The following PHTF2 variants were observed in gnomAD, a reference collection of about 807,000 sequenced individuals.
PHTF2 encodes protein PHTF2.
A neutral mutation model predicts 101.2 loss-of-function variants in PHTF2; 60 were observed. The ratio of observed to expected loss-of-function variants is 0.59; its 90% CI spans 0.48 to 0.73. The LOEUF (loss-of-function observed/expected upper bound fraction) is 0.73. PHTF2 is among the 30% of genes least tolerant of loss of function. The probability of loss-of-function intolerance (pLI) is 0.00; values close to 1 mark genes in which losing one functional copy is unlikely to be tolerated. For synonymous variants in PHTF2, 311 were observed against 307.3 expected, an observed-to-expected ratio of 1.01 and a Z score of -0.13; for missense variants, 747 against 908.7, an observed-to-expected ratio of 0.82 and a Z score of 2.29.
intron 2 of PHTF2, among the ~76,000 whole-genome samples, chr7:77,852,872 T>A (rs1796880723): frequency 6.6e-6 from 1 of 152,218 alleles, no homozygotes; most frequent in African/African-American, 2.4e-5. Flanking sequence ...GATAAAAGTT[T>A]TTTTCCGTCA....
chr7:77,918,526 T>G (rs537125700), intron 9 of PHTF2, among the ~76,000 whole-genome samples: 1 of 152,342 alleles, frequency 6.6e-6, no homozygotes, highest in Non-Finnish European at 1.5e-5. Context: ...TCCTTATCTT[T>G]GAGTTTCTGA....
At chr7:77,834,957 T>A (rs1370980225) in intron 1 of PHTF2, among the ~76,000 whole-genome samples, 1 of 152,168 alleles carries the variant, frequency 6.6e-6, no homozygotes, top group Non-Finnish European at 1.5e-5. Context: ...AGAGAGACAT[T>A]AAGCTTCAGC....
chr7:77,867,243 A>G (rs1208742279), intron 3 of PHTF2, among the ~76,000 whole-genome samples: 1 of 152,234 alleles, frequency 6.6e-6, no homozygotes, highest in Non-Finnish European at 1.5e-5. Flanking sequence ...GAAGTATATG[A>G]CAATGATTAG....
intron 10 of PHTF2, among the ~76,000 whole-genome samples, chr7:77,922,278 C>A (rs1584719811): frequency 6.6e-6 from 1 of 152,072 alleles, no homozygotes; most frequent in Admixed American, 6.6e-5. Context: ...CTTCCCACTT[C>A]AGCCTCCCAA....
chr7:77,844,207 T>C (rs1308549672), intron 2 of PHTF2, among the ~76,000 whole-genome samples: 1 of 152,154 alleles, frequency 6.6e-6, no homozygotes, highest in African/African-American at 2.4e-5. Flanking sequence ...TTTCCCAGGC[T>C]GGTCTCAAAC....
At chr7:77,884,912 A>AAATAAATG (rs1291652458) in intron 3 of PHTF2, among the ~76,000 whole-genome samples, 1 of 152,086 alleles carries the variant, frequency 6.6e-6, no homozygotes, top group South Asian at 2.1e-4. Flanking sequence ...ATAAATAAAT[A>AAATAAATG]AATAAATAAA....
At chr7:77,811,684 T>A (rs1043651820) in intron 1 of PHTF2, among the ~76,000 whole-genome samples, 8 of 152,206 alleles carry the variant, frequency 5.3e-5, no homozygotes, top group African/African-American at 1.4e-4. Context: ...TACTTTCTGA[T>A]CCAACAAGAT....
At chr7:77,914,453 C>T (rs571555535) in intron 9 of PHTF2, among the ~76,000 whole-genome samples, 118 of 152,260 alleles carry the variant, frequency 7.7e-4, no homozygotes, top group African/African-American at 2.7e-3. Flanking sequence ...AGGAGGAGAG[C>T]GGCAACCTTA....
chr7:77,893,698 A>G, intron 4 of PHTF2, 34 bp downstream of exon 3: 1 of 885,204 alleles, frequency 1.1e-6, no homozygotes, highest in Non-Finnish European at 1.8e-6. Flanking sequence ...TTATTTTGAA[A>G]CATAGTTCTA....
intron 3 of PHTF2, among the ~76,000 whole-genome samples, chr7:77,865,995 C>T (rs576210151): frequency 1.6e-3 from 236 of 151,860 alleles, no homozygotes; most frequent in Non-Finnish European, 2.8e-3. Flanking sequence ...ACCAGCCTGG[C>T]CAATATGGTG....
intron 7 of PHTF2, among the ~76,000 whole-genome samples, chr7:77,902,512 G>C (rs933250473): frequency 6.6e-6 from 1 of 152,118 alleles, no homozygotes; most frequent in Non-Finnish European, 1.5e-5. Context: ...TAAGCATTCT[G>C]ATCCCAGAAC....
At chr7:77,847,585 A>T (rs1421368619) in intron 2 of PHTF2, among the ~76,000 whole-genome samples, 3 of 152,212 alleles carry the variant, frequency 2.0e-5, no homozygotes, top group African/African-American at 7.2e-5. Flanking sequence ...GTTCATGTTT[A>T]TAGGTACATA....
chr7:77,883,823 CATAA>C (rs1799600521), intron 3 of PHTF2, among the ~76,000 whole-genome samples: 1 of 152,134 alleles, frequency 6.6e-6, no homozygotes, highest in African/African-American at 2.4e-5. Context: ...CATTAGTGAG[CATAA>C]ATATTGTCAT....
At chr7:77,898,440 T>C (rs2150819528) in intron 5 of PHTF2, among the ~76,000 whole-genome samples, 1 of 152,358 alleles carries the variant, frequency 6.6e-6, no homozygotes, top group South Asian at 2.1e-4. Flanking sequence ...ATCCAAATAG[T>C]GCTTTATTAA....
exon 7 of PHTF2, chr7:77,901,852 T>G (rs1801423207): frequency 6.2e-7 from 1 of 1,603,800 alleles, no homozygotes; most frequent in African/African-American, 1.3e-5. Context: ...CCCTTTTTCT[T>G]CCGGTGGTGG....
At chr7:77,877,349 G>A (rs775329647) in intron 3 of PHTF2, among the ~76,000 whole-genome samples, 3 of 151,920 alleles carry the variant, frequency 2.0e-5, no homozygotes, top group Non-Finnish European at 2.9e-5. Flanking sequence ...CATGATCCCC[G>A]CTCTCGGCCT....
Position 77,940,395 on chromosome 7 carries a change from T to C in PHTF2, c.1740+93T>C, listed in dbSNP as rs1584776244. The C allele has an allele frequency of 1.0e-5, 13 of 1,294,318 alleles. No homozygotes were observed. In the East Asian group the frequency reaches 2.9e-4, roughly 29 times the overall value. 80.2% of individuals were successfully genotyped at this position (1,294,318 alleles called of 1,614,324 possible). ...AGTACTTTATTATTTCATTATATCA[T>C]TTTTACCTAATTATTTTTTATTTTG... On this transcript the variant is annotated intron_variant, in intron 14 of 19. Transcript: ENST00000416283.
At chr7:77,885,382 A>G (rs1399037408) in intron 3 of PHTF2, among the ~76,000 whole-genome samples, 1 of 152,110 alleles carries the variant, frequency 6.6e-6, no homozygotes, top group Non-Finnish European at 1.5e-5. Flanking sequence ...TATTATAGGC[A>G]TGAGCCACCA....
At chr7:77,924,127 C>A in intron 11 of PHTF2, 1 of 955,326 alleles carries the variant, frequency 1.0e-6, no homozygotes, top group Middle Eastern at 5.4e-4. Flanking sequence ...CTTTAAAGGG[C>A]GTTTCTAAAA....
Sources: allele counts gnomAD v4.1 joint callset (sites outside exome capture counted in the v4.1 genomes callset), GRCh38; gene constraint gnomAD v4.1.1; transcripts MANE v1.5; gene names NCBI Gene and HGNC (gene_info 2026-07-23, HGNC 2026-07-21).